The following AUTS2 variants were observed in gnomAD, a reference collection of about 807,000 sequenced individuals.
AUTS2 encodes the protein autism susceptibility gene 2 protein.
In AUTS2, 17 loss-of-function variants were observed where a neutral mutation model predicts 112.4. The ratio of observed to expected loss-of-function variants is 0.15; its 90% CI spans 0.10 to 0.23. AUTS2 has a LOEUF of 0.23. AUTS2 is among the 10% of genes least tolerant of loss of function. The pLI is 1.00. For synonymous variants in AUTS2, 751 were observed against 702.7 expected (o/e 1.07, Z -1.09); for missense variants, 1,510 against 1,701.6 (o/e 0.89, Z 1.98).
chr7:70,242,280 G>A (rs1225570017), intron 4 of AUTS2, among the ~76,000 whole-genome samples: 1 of 152,136 alleles, frequency 6.6e-6, no homozygotes, highest in Non-Finnish European at 1.5e-5. Flanking sequence ...CCCAAAACAG[G>A]ATTCGGATAA....
chr7:70,645,456 G>A (rs1806106974), intron 5 of AUTS2, among the ~76,000 whole-genome samples: 4 of 152,064 alleles, frequency 2.6e-5, no homozygotes, highest in Admixed American at 2.6e-4. Context: ...ATGGTCTGGT[G>A]CTGCAGCAGC....
intron 6 of AUTS2, among the ~76,000 whole-genome samples, chr7:70,717,873 C>T (rs1356039716): frequency 1.3e-5 from 2 of 152,206 alleles, no homozygotes; most frequent in Non-Finnish European, 2.9e-5. Context: ...AAGGCATCCT[C>T]ACCACTCACT....
chr7:70,462,903 AC>A (rs1356516041), intron 5 of AUTS2, among the ~76,000 whole-genome samples: 3 of 151,732 alleles, frequency 2.0e-5, no homozygotes, highest in African/African-American at 7.3e-5. Flanking sequence ...GATTGCAGTG[AC>A]CCGAGATTGC....
At chr7:70,524,896 G>A (rs1047994107) in intron 5 of AUTS2, among the ~76,000 whole-genome samples, 3 of 152,224 alleles carry the variant, frequency 2.0e-5, no homozygotes, top group African/African-American at 7.2e-5. Flanking sequence ...CTTAAATAGA[G>A]AGAGTGGTAA....
chr7:69,659,956 A>G (rs1328395539), intron 1 of AUTS2, among the ~76,000 whole-genome samples: 1 of 152,108 alleles, frequency 6.6e-6, no homozygotes, highest in Non-Finnish European at 1.5e-5. Context: ...ATCAATATCT[A>G]GTTGATTTTG....
At chr7:69,677,387 A>G (rs1463741987) in intron 1 of AUTS2, among the ~76,000 whole-genome samples, 1 of 152,202 alleles carries the variant, frequency 6.6e-6, no homozygotes, top group African/African-American at 2.4e-5. Flanking sequence ...GTGTTCTGAT[A>G]GTTTGAAAAT....
At chr7:70,353,329 A>G (rs979708551) in intron 4 of AUTS2, among the ~76,000 whole-genome samples, 8 of 152,146 alleles carry the variant, frequency 5.3e-5, no homozygotes, top group Non-Finnish European at 7.3e-5. Flanking sequence ...TAATAAAACA[A>G]TTTTTTAGAT....
intron 6 of AUTS2, among the ~76,000 whole-genome samples, chr7:70,741,515 A>G (rs1390620384): frequency 3.9e-5 from 6 of 152,056 alleles, no homozygotes; most frequent in African/African-American, 1.4e-4. Flanking sequence ...AACATGGAGA[A>G]ACCCCATCTC....
At chr7:70,362,441 C>T (rs1293517687) in intron 4 of AUTS2, among the ~76,000 whole-genome samples, 3 of 152,180 alleles carry the variant, frequency 2.0e-5, no homozygotes, top group African/African-American at 7.2e-5. Flanking sequence ...ACATTCAAAT[C>T]CTGAAATACT....
intron 4 of AUTS2, among the ~76,000 whole-genome samples, chr7:70,166,108 A>G (rs1299166387): frequency 6.6e-6 from 1 of 152,040 alleles, no homozygotes; most frequent in African/African-American, 2.4e-5. Context: ...TCTCAGTCAT[A>G]ATTTCTGTTA....
intron 4 of AUTS2, among the ~76,000 whole-genome samples, chr7:70,147,899 G>A (rs1354457583): frequency 6.6e-6 from 1 of 151,804 alleles, no homozygotes; most frequent in African/African-American, 2.4e-5. Context: ...GGCAGTACCT[G>A]TAAATTTGGG....
At chr7:70,349,657 CT>C (rs752494407) in intron 4 of AUTS2, among the ~76,000 whole-genome samples, 91 of 144,530 alleles carry the variant, frequency 6.3e-4, no homozygotes, top group Middle Eastern at 3.6e-3. Context: ...GTTTTCCAGG[CT>C]TTTTTTTTTT....
At chr7:69,974,736 A>G (rs556528966) in intron 2 of AUTS2, among the ~76,000 whole-genome samples, 2 of 152,304 alleles carry the variant, frequency 1.3e-5, no homozygotes, top group African/African-American at 2.4e-5. Context: ...TACCAATTCA[A>G]ATGCTATTCT....
intron 2 of AUTS2, among the ~76,000 whole-genome samples, chr7:70,075,399 T>A (rs1244414049): frequency 6.6e-6 from 1 of 152,166 alleles, no homozygotes; most frequent in East Asian, 1.9e-4. Context: ...ATTTCTCTGC[T>A]AACCTGCTGT....
chr7:70,396,197 T>A (rs967687166), intron 4 of AUTS2, among the ~76,000 whole-genome samples: 6 of 152,156 alleles, frequency 3.9e-5, no homozygotes. Context: ...ATCTCCTTTG[T>A]GGTCCCTTCC....
intron 2 of AUTS2, among the ~76,000 whole-genome samples, chr7:69,972,570 A>C (rs544664865): frequency 1.3e-3 from 202 of 152,018 alleles, no homozygotes; most frequent in Non-Finnish European, 2.1e-3. Context: ...TTTTCCTAAA[A>C]GCTTTATATT....
At chr7:69,619,393 CA>C (rs931942968) in intron 1 of AUTS2, among the ~76,000 whole-genome samples, 2 of 152,056 alleles carry the variant, frequency 1.3e-5, no homozygotes, top group Non-Finnish European at 2.9e-5. Flanking sequence ...CCTTGGAAGT[CA>C]GGGGGATGCA....
chr7:69,692,244 A>G (rs113976455), intron 1 of AUTS2, among the ~76,000 whole-genome samples: 404 of 152,352 alleles, frequency 2.7e-3, no homozygotes, highest in African/African-American at 9.1e-3. Context: ...GTTGGCAACG[A>G]AGACTGGAGG....
intron 6 of AUTS2, among the ~76,000 whole-genome samples, chr7:70,706,100 C>T (rs1403121367): frequency 3.3e-5 from 5 of 152,206 alleles, no homozygotes; most frequent in Non-Finnish European, 7.3e-5. Context: ...TGCATCAAGT[C>T]ACTGGGTCTC....
Sources: allele counts gnomAD v4.1 joint callset (sites outside exome capture counted in the v4.1 genomes callset), GRCh38; gene constraint gnomAD v4.1.1; transcripts MANE v1.5; gene names NCBI Gene and HGNC (gene_info 2026-07-23, HGNC 2026-07-21).